The following PTPRT variants were observed in gnomAD, a reference collection of about 807,000 sequenced individuals.
The protein encoded by PTPRT is protein tyrosine phosphatase receptor type T, also known as receptor-type tyrosine-protein phosphatase T.
Under a neutral mutation model 176.8 loss-of-function variants are expected in PTPRT, and 56 were observed. That is an observed-to-expected ratio of 0.32 (90% CI 0.26 to 0.40). PTPRT has a LOEUF of 0.40. Ranked by LOEUF, PTPRT falls within the 10% of genes least tolerant of loss-of-function variation. The pLI is 1.00. For missense variants in PTPRT, 1,540 were observed against 1,908.2 expected (o/e 0.81, Z 3.60); for synonymous variants, 783 against 739.0 (o/e 1.06, Z -0.96).
At chr20:42,047,968 G>C in the PTPRT span, among the ~76,000 whole-genome samples, 1 of 152,148 alleles carries the variant, frequency 6.6e-6, no homozygotes, top group African/African-American at 2.4e-5. Flanking sequence ...GAAGGGTGAG[G>C]GTTGAGGGGA....
intron 2 of PTPRT, among the ~76,000 whole-genome samples, chr20:42,837,295 C>T (rs1196795419): frequency 6.6e-6 from 1 of 152,204 alleles, no homozygotes; most frequent in South Asian, 2.1e-4. Context: ...ACCCACAACC[C>T]CTGACACTCA....
At chr20:42,110,722 T>C (rs1180071679) in intron 22 of PTPRT, among the ~76,000 whole-genome samples, 1 of 152,198 alleles carries the variant, frequency 6.6e-6, no homozygotes, top group Non-Finnish European at 1.5e-5. Flanking sequence ...GAGTCTTGAG[T>C]GTGCTCATAC....
At chr20:43,016,709 T>C (rs1020986679) in intron 1 of PTPRT, among the ~76,000 whole-genome samples, 4 of 151,856 alleles carry the variant, frequency 2.6e-5, no homozygotes, top group African/African-American at 9.7e-5. Flanking sequence ...AGTTAGTTTT[T>C]GTATTTTTAG....
intron 7 of PTPRT, among the ~76,000 whole-genome samples, chr20:42,567,567 G>C (rs552382056): frequency 1.3e-5 from 2 of 152,184 alleles, no homozygotes; most frequent in Non-Finnish European, 2.9e-5. Context: ...AAGCCACATT[G>C]AAGTCTTCCT....
chr20:42,372,732 C>G (rs2058603445), intron 9 of PTPRT, among the ~76,000 whole-genome samples: 1 of 152,108 alleles, frequency 6.6e-6, no homozygotes, highest in Non-Finnish European at 1.5e-5. Context: ...GCAGAACTGT[C>G]AGGAAAAGGA....
intron 16 of PTPRT, among the ~76,000 whole-genome samples, chr20:42,184,936 C>T (rs563631385): frequency 2.8e-4 from 42 of 151,950 alleles, no homozygotes; most frequent in African/African-American, 9.9e-4. Context: ...GCACCCAGCT[C>T]ATTCCTGCTG....
At chr20:42,210,608 A>G (rs2055598417) in intron 15 of PTPRT, among the ~76,000 whole-genome samples, 1 of 151,380 alleles carries the variant, frequency 6.6e-6, no homozygotes, top group South Asian at 2.1e-4. Flanking sequence ...GGACCTCTTC[A>G]AGGAGAACTA....
intron 1 of PTPRT, among the ~76,000 whole-genome samples, chr20:43,034,370 T>A (rs2208048): frequency 0.29 from 43,952 of 151,770 alleles, 8,186 homozygotes; most frequent in African/African-American, 0.52. Flanking sequence ...CTATTCACGA[T>A]TGCTACTGCT....
At chr20:42,157,096 T>C (rs994996688) in intron 17 of PTPRT, among the ~76,000 whole-genome samples, 2 of 152,198 alleles carry the variant, frequency 1.3e-5, no homozygotes, top group South Asian at 4.1e-4. Context: ...TCTGCCACCC[T>C]GGCCTCTTTG....
At chr20:42,542,785 A>G (rs1375588165) in intron 7 of PTPRT, among the ~76,000 whole-genome samples, 2 of 152,246 alleles carry the variant, frequency 1.3e-5, no homozygotes, top group Non-Finnish European at 2.9e-5. Context: ...TTTCATTCAT[A>G]TCATGAAATC....
chr20:42,340,301 C>T (rs961102566), intron 11 of PTPRT, among the ~76,000 whole-genome samples: 1 of 152,208 alleles, frequency 6.6e-6, no homozygotes, highest in African/African-American at 2.4e-5. Context: ...GGTGCTACAT[C>T]TTGCTCTGGG....
chr20:42,883,738 A>ACACAC (rs1568658380), intron 2 of PTPRT, among the ~76,000 whole-genome samples: 1 of 6,720 alleles, frequency 1.5e-4, no homozygotes, highest in Non-Finnish European at 3.3e-4. Context: ...ACCCCCATAC[A>ACACAC]CTCTCACACA....
At chr20:42,226,639 T>C (rs1437141906) in intron 15 of PTPRT, among the ~76,000 whole-genome samples, 1 of 152,210 alleles carries the variant, frequency 6.6e-6, no homozygotes, top group Non-Finnish European at 1.5e-5. Flanking sequence ...GCTACAGCTC[T>C]AGCTGTAAGA....
intron 9 of PTPRT, 106 bp downstream of exon 9, chr20:42,448,114 T>C (rs2070765080): frequency 1.1e-6 from 1 of 891,120 alleles, no homozygotes; most frequent in South Asian, 1.5e-5. Flanking sequence ...GTATGTCTCA[T>C]CTTACTCACC....
At chr20:42,663,340 T>A (rs2075259253) in intron 7 of PTPRT, among the ~76,000 whole-genome samples, 1 of 152,126 alleles carries the variant, frequency 6.6e-6, no homozygotes, top group African/African-American at 2.4e-5. Flanking sequence ...TTGAAAGGAC[T>A]TTTAAAGTCT....
At chr20:42,199,501 A>G in intron 15 of PTPRT, 113 bp from the exon 16 acceptor site, 1 of 1,226,778 alleles carries the variant, frequency 8.2e-7, no homozygotes, top group African/African-American at 1.5e-5. Context: ...AATCTGGTTC[A>G]TTCTCCAGAA....
At chr20:43,099,179 G>A (rs1170963366) in intron 1 of PTPRT, among the ~76,000 whole-genome samples, 1 of 151,796 alleles carries the variant, frequency 6.6e-6, no homozygotes, top group East Asian at 1.9e-4. Flanking sequence ...AGGGGAATAC[G>A]ATTAAATCTT....
intron 7 of PTPRT, among the ~76,000 whole-genome samples, chr20:42,499,523 C>A (rs541354922): frequency 6.6e-6 from 1 of 152,192 alleles, no homozygotes; most frequent in East Asian, 1.9e-4. Flanking sequence ...ATCTCCTGAC[C>A]TTGCGATCCA....
intron 8 of PTPRT, among the ~76,000 whole-genome samples, chr20:42,455,765 T>C (rs1323783098): frequency 6.6e-6 from 1 of 152,146 alleles, no homozygotes; most frequent in African/African-American, 2.4e-5. Flanking sequence ...TCTACTTCTA[T>C]GTTCTATTAT....
Sources: gnomAD v4.1 joint callset for allele counts (sites outside exome capture counted in the v4.1 genomes callset) on GRCh38, gnomAD v4.1.1 for gene constraint, MANE v1.5 for transcripts, NCBI Gene and HGNC (gene_info 2026-07-23, HGNC 2026-07-21) for gene names.